Variants in KBTBD6 observed in about 807,000 individuals in gnomAD.
The protein encoded by KBTBD6 is kelch repeat and BTB domain-containing protein 6.
A neutral mutation model predicts 34.4 loss-of-function variants in KBTBD6; 6 were observed. That is an observed-to-expected ratio of 0.17 (90% CI 0.10 to 0.34). KBTBD6 has a LOEUF of 0.34. Among genes scored for constraint, KBTBD6 ranks in the 10% least tolerant of loss-of-function variants. KBTBD6 has a pLI of 1.00. For missense variants in KBTBD6, 557 were observed against 856.0 expected (o/e 0.65, Z 4.36); for synonymous variants, 288 against 327.2 (o/e 0.88, Z 1.29).
chr13:41,130,358 C>A lies in KBTBD6; in HGVS notation c.*129G>T. On this transcript the variant is annotated 3_prime_UTR_variant, in exon 1 of 1. Transcript: ENST00000379485. This position sits in a 1 kb window ranked among gnomAD's most constrained non-coding sequence, Gnocchi z 4.8. ...ATTTCAAACATTACTTTTTCTAAAC[C>A]AAACCAGAAGTTAATCAACTTTTCC... The A allele has an allele frequency of 1.5e-6, 1 of 662,954 alleles. No individual in the cohort carries two copies. Among genetic ancestry groups the A allele is most frequent in the Non-Finnish European group, 2.5e-6 (1 of 406,490 alleles). The allele number at this position is 662,954 out of a possible 1,614,324, so 41.1% of individuals were successfully genotyped here.
chr13:41,132,711 C>G lies in KBTBD6; in HGVS notation c.-200G>C. ...ACAGTGGCTGACTCACCCTCTCTCA[C>G]TCCCGCGTCCTTTCTCCGCGTCTGC... On this transcript the variant is annotated 5_prime_UTR_variant, in exon 1 of 1. Transcript: ENST00000379485. 1 of 647,854 alleles carries G rather than the reference C, an allele frequency of 1.5e-6. No individual in the cohort carries two copies. The highest frequency in any genetic ancestry group is 2.7e-6 in the Non-Finnish European group (1 of 376,976). 40.1% of individuals were successfully genotyped at this position (647,854 alleles called of 1,614,324 possible).
chr13:41,131,175 A>G lies in KBTBD6; in HGVS notation c.1337T>C (p.Ile446Thr), dbSNP rs1336339722. ...YIYILGGRDP[I>T]TGVKLKEVEC... is the part of the protein sequence containing the mutation. ...CACTTCCTTCAACTTAACTCCAGTA[A>G]TAGGGTCTCGCCCCCCCAAAATGTA... is the stretch of plus-strand genomic sequence containing the variant. The change falls in exon 1 of 1, where the codon ATT (isoleucine) becomes ACT (threonine). Residue 446 changes from isoleucine (I) to threonine (T), a missense_variant. By Grantham distance (89) the Ile-to-Thr change is moderately conservative. This residue lies in a region of KBTBD6 where 309 missense variants were observed against 504.5 expected (regional missense o/e 0.61). Transcript: ENST00000379485. This position sits in a 1 kb window ranked among gnomAD's most constrained non-coding sequence, Gnocchi z 5.8. 1 of 1,614,196 alleles carries G rather than the reference A, an allele frequency of 6.2e-7. No individual in the cohort carries two copies. The highest frequency in any genetic ancestry group is 1.7e-5 in the Admixed American group (1 of 60,008).
Position 41,132,587 on chromosome 13 carries a change from G to C in KBTBD6, c.-76C>G. ...TCTGGCTCCTCCTCAACCTTCCCTC[G>C]CTGACGCTAAGATAGCAGCGTCTCC... On this transcript the variant is annotated 5_prime_UTR_variant, in exon 1 of 1. Transcript: ENST00000379485. 1 of 1,505,630 alleles carries C rather than the reference G, an allele frequency of 6.6e-7. No individual in the cohort carries two copies. Among genetic ancestry groups the C allele is most frequent in the Non-Finnish European group, 9.0e-7 (1 of 1,105,696 alleles). The allele number at this position is 1,505,630 out of a possible 1,614,324, so 93.3% of individuals were successfully genotyped here.
In KBTBD6 at chr13:41,128,632, A is replaced by G. The variant is rs2030033948; in HGVS notation, c.*1855T>C. On this transcript the variant is annotated 3_prime_UTR_variant, in exon 1 of 1. Transcript: ENST00000379485. ...ATCCACTTATGTTCTTTAACTATCA[A>G]CTTTGTTTTTCTAAGAGATGGGATC... 13 of 391,168 alleles carry G rather than the reference A, an allele frequency of 3.3e-5. No individual in the cohort carries two copies. The allele number at this position is 391,168 out of a possible 1,614,324, so 24.2% of individuals were successfully genotyped here. A position where few individuals can be genotyped will look rare whatever the true frequency, so the allele number is the denominator to read the frequency against.
rs186354848 is a variant in KBTBD6 at position 41,130,347 on chromosome 13, T to C, written c.*140A>G. On this transcript the variant is annotated 3_prime_UTR_variant, in exon 1 of 1. Transcript: ENST00000379485. This position sits in a 1 kb window ranked among gnomAD's most constrained non-coding sequence, Gnocchi z 4.8. ...ATTACCTTCGTATTTCAAACATTAC[T>C]TTTTCTAAACCAAACCAGAAGTTAA... 1 of 620,292 alleles carries C rather than the reference T, an allele frequency of 1.6e-6. No individual in the cohort carries two copies. The allele number at this position is 620,292 out of a possible 1,614,324, so 38.4% of individuals were successfully genotyped here.
chr13:41,131,851 G>A lies in KBTBD6; in HGVS notation c.661C>T (p.Gln221Ter). The A allele has an allele frequency of 6.2e-7, 1 of 1,614,232 alleles. No homozygotes were observed. The highest frequency in any genetic ancestry group is 8.5e-7 in the Non-Finnish European group (1 of 1,180,030). Reference sequence around the variant, plus strand: ...TCCAAGCGCAGGACAGCCAGCAGCTGGGCCAGGGTCAGATCTGCTAGAGTC... The same window carrying A: ...TCCAAGCGCAGGACAGCCAGCAGCTAGGCCAGGGTCAGATCTGCTAGAGTC... The part of the protein sequence containing the change: ...EETLADLTLA[Q>*]LLAVLRLDSL... Residue 221 changes from glutamine to a stop codon, truncating the protein, a stop_gained, in exon 1 of 1, where the codon CAG (glutamine) becomes TAG (stop). Transcript: ENST00000379485. LOFTEE classifies it high-confidence loss of function. This position sits in a 1 kb window ranked among gnomAD's most constrained non-coding sequence, Gnocchi z 5.8.
At position 41,132,278 on chromosome 13, in the gene KBTBD6, C is replaced by G. The variant is rs1179522447; in HGVS notation, c.234G>C (p.Thr78=). 1 of 1,614,230 alleles carries G rather than the reference C, an allele frequency of 6.2e-7. No individual in the cohort carries two copies. The stretch of plus-strand genomic sequence containing the variant: ...TGCGGTTGCAGGGGAACAGGCGACC[C>G]GTGCCAGGCCCGCTGCCAGGCGTCA... ...EVVTPGSGPG[T]GRLFPCNRNV... is the part of the protein sequence containing the mutation. Residue 78 remains threonine (T), a synonymous_variant, in exon 1 of 1, where the codon ACG becomes ACC. Coordinates refer to ENST00000379485, the MANE Select transcript of KBTBD6 (RefSeq NM_152903.5).
In KBTBD6 at chr13:41,128,040, T is replaced by C. The variant is rs991005937; in HGVS notation, c.*2447A>G. 1 of 152,546 alleles carries C rather than the reference T, an allele frequency of 6.6e-6. No homozygotes were observed. The highest frequency in any genetic ancestry group is 2.1e-4 in the South Asian group (1 of 4,830). 9.4% of individuals were successfully genotyped at this position (152,546 alleles called of 1,614,324 possible). On this transcript the variant is annotated 3_prime_UTR_variant, in exon 1 of 1. Transcript: ENST00000379485. ...CACTAAAAGTGATGTTAAACGTGAA[T>C]GTCTTGTAGACTATTTAAAGAGCCA...
Position 41,132,497 on chromosome 13 carries a change from T to G in KBTBD6, c.15A>C (p.Glu5Asp), listed in dbSNP as rs759098500. 4 of 1,613,960 alleles carry G rather than the reference T, an allele frequency of 2.5e-6. No individual in the cohort carries two copies. The highest frequency in any genetic ancestry group is 3.4e-6 in the Non-Finnish European group (4 of 1,179,860). ...CTAGGCGGCGAGAGCGCGGGGCGTC[T>G]TCCCGGGACTGCATGGTGGAGATGG... The part of the protein sequence containing the change: MQSR[E>D]DAPRSRRLAS... The change falls in exon 1 of 1, where the codon GAA (glutamate) becomes GAC (aspartate). Residue 5 changes from glutamate (E) to aspartate (D), a missense_variant. Glu to Asp is a conservative substitution (Grantham distance 45). Around this residue, in one of 4 missense-constraint regions of KBTBD6, gnomAD observed 40 missense variants for 39.9 expected, o/e 1.00. Transcript: ENST00000379485.
rs2030132024 is a variant in KBTBD6 at position 41,132,644 on chromosome 13, A to T, written c.-133T>A. On this transcript the variant is annotated 5_prime_UTR_variant, in exon 1 of 1. Coordinates refer to ENST00000379485, the MANE Select transcript of KBTBD6 (RefSeq NM_152903.5). ...ACAGCAGCACGAGCCCATTTACTGA[A>T]TTCAACCCTACCCCGCAGAACCGCC... The T allele has an allele frequency of 9.4e-7, 1 of 1,066,016 alleles. No homozygotes were observed. The highest frequency in any genetic ancestry group is 1.4e-6 in the Non-Finnish European group (1 of 739,600). The allele number at this position is 1,066,016 out of a possible 1,614,324, so 66.0% of individuals were successfully genotyped here.
chr13:41,131,574 G>A lies in KBTBD6; in HGVS notation c.938C>T (p.Pro313Leu). The A allele has an allele frequency of 6.8e-6, 11 of 1,613,990 alleles. No homozygotes were observed. Among genetic ancestry groups the A allele is most frequent in the Non-Finnish European group, 6.8e-6 (8 of 1,179,934 alleles). ...YGDLLYKSLV[P>L]VPNSSSSSSS... ...ACTGCTGCTGCTGCTGTTTGGCACTGGCACCAGAGACTTGTACAACAGGTC... is the reference window on the plus strand; with the variant it reads ...ACTGCTGCTGCTGCTGTTTGGCACTAGCACCAGAGACTTGTACAACAGGTC... Residue 313 changes from proline (P) to leucine (L), a missense_variant, in exon 1 of 1, where the codon CCA becomes CTA. This residue lies in a region of KBTBD6 where 309 missense variants were observed against 504.5 expected (regional missense o/e 0.61). Transcript: ENST00000379485. The surrounding 1 kb of genome is among the most constrained non-coding windows in gnomAD (Gnocchi z 5.8).
In KBTBD6 at chr13:41,128,359, T is replaced by C. The variant is rs1039142691; in HGVS notation, c.*2128A>G. The C allele has an allele frequency of 2.7e-5, 10 of 373,956 alleles. No homozygotes were observed. The highest frequency in any genetic ancestry group is 4.3e-5 in the Non-Finnish European group (9 of 209,790). 23.2% of individuals were successfully genotyped at this position (373,956 alleles called of 1,614,324 possible). A position where few individuals can be genotyped will look rare whatever the true frequency, so the allele number is the denominator to read the frequency against. ...TCATGTACATGTATCATGTCAACCA[T>C]TATATATTAAATCTTCAAGAGGTAA... is the stretch of plus-strand genomic sequence containing the variant. On this transcript the variant is annotated 3_prime_UTR_variant, in exon 1 of 1. Coordinates refer to ENST00000379485, the MANE Select transcript of KBTBD6 (RefSeq NM_152903.5).
Position 41,132,618 on chromosome 13 carries a change from G to A in KBTBD6, c.-107C>T. 7.6e-7 allele frequency: 1 copy of A among 1,319,414 alleles called. No individual in the cohort carries two copies. The highest frequency in any genetic ancestry group is 1.0e-6 in the Non-Finnish European group (1 of 952,968). The allele number at this position is 1,319,414 out of a possible 1,614,324, so 81.7% of individuals were successfully genotyped here. On this transcript the variant is annotated 5_prime_UTR_variant, in exon 1 of 1. Transcript: ENST00000379485. ...GCTAAGATAGCAGCGTCTCCGAAGA[G>A]ACAGCAGCACGAGCCCATTTACTGA...
At position 41,129,414 on chromosome 13, in the gene KBTBD6, C is replaced by T. The variant is rs1368844361; in HGVS notation, c.*1073G>A. On this transcript the variant is annotated 3_prime_UTR_variant, in exon 1 of 1. Transcript: ENST00000379485. The stretch of plus-strand genomic sequence containing the variant: ...CAATACAAACCTACAAAGCAAGTTA[C>T]TTCTTTTTTAAGGTTTTTTGATGAT... 1 of 152,122 alleles carries T rather than the reference C, an allele frequency of 6.6e-6. No individual in the cohort carries two copies. Among genetic ancestry groups the T allele is most frequent in the Non-Finnish European group, 1.5e-5 (1 of 68,012 alleles). The allele number at this position is 152,122 out of a possible 1,614,324, so 9.4% of individuals were successfully genotyped here. A position where few individuals can be genotyped will look rare whatever the true frequency, so the allele number is the denominator to read the frequency against.
At position 41,132,333 on chromosome 13, in the gene KBTBD6, C is replaced by T. The variant is rs768949189; in HGVS notation, c.179G>A (p.Arg60Gln). 1.9e-6 allele frequency: 3 copies of T among 1,614,240 alleles called. No individual in the cohort carries two copies. Among genetic ancestry groups the T allele is most frequent in the Non-Finnish European group, 2.5e-6 (3 of 1,180,048 alleles). ...CTCGATGGTCACATCACACAGCAGC[C>T]GCGCATCGTAGAAGGACTTGAGCTG... ...LAQLKSFYDA[R>Q]LLCDVTIEVV... The change falls in exon 1 of 1, where the codon CGG becomes CAG. Residue 60 changes from arginine to glutamine, a missense_variant. Physicochemically the swap from Arg to Gln is conservative, Grantham distance 43 (BLOSUM62 1). Transcript: ENST00000379485.
rs1027103190 is a variant in KBTBD6 at position 41,131,375 on chromosome 13, A to G, written c.1137T>C (p.Thr379=). 6.8e-6 allele frequency: 11 copies of G among 1,614,090 alleles called. No individual in the cohort carries two copies. In the African/African-American group the frequency reaches 1.3e-4, roughly 20 times the overall value. ...VPSPLTCLAH[T]RTVTTLAVCI... is the part of the protein sequence containing the mutation. ...AGACAGCTAAAGTGGTGACAGTCCT[A>G]GTGTGAGCCAGACAGGTCAAAGGTG... Residue 379 remains threonine, a synonymous_variant, in exon 1 of 1, where the codon ACT becomes ACC. Transcript: ENST00000379485. This position sits in a 1 kb window ranked among gnomAD's most constrained non-coding sequence, Gnocchi z 5.8.
In KBTBD6 at chr13:41,132,515, G is replaced by A; in HGVS notation, c.-4C>T. ...GGGCGTCTTCCCGGGACTGCATGGT[G>A]GAGATGGCGACGGGCGCTGATGGCG... On this transcript the variant is annotated 5_prime_UTR_variant, in exon 1 of 1. Transcript: ENST00000379485. 1.2e-6 allele frequency: 2 copies of A among 1,609,884 alleles called. No individual in the cohort carries two copies. Among genetic ancestry groups the A allele is most frequent in the Non-Finnish European group, 1.7e-6 (2 of 1,176,762 alleles).
At position 41,132,689 on chromosome 13, in the gene KBTBD6, G is replaced by A. The variant is rs1306659776; in HGVS notation, c.-178C>T. 5 of 725,610 alleles carry A rather than the reference G, an allele frequency of 6.9e-6. No individual in the cohort carries two copies. The East Asian group carries it at 8.2e-5, about 12-fold the overall frequency. 44.9% of individuals were successfully genotyped at this position (725,610 alleles called of 1,614,324 possible). A position where few individuals can be genotyped will look rare whatever the true frequency, so the allele number is the denominator to read the frequency against. On this transcript the variant is annotated 5_prime_UTR_variant, in exon 1 of 1. Coordinates refer to ENST00000379485, the MANE Select transcript of KBTBD6 (RefSeq NM_152903.5). The stretch of plus-strand genomic sequence containing the variant: ...ACCGCCTCCCGTTATCGTTTAGACA[G>A]TGGCTGACTCACCCTCTCTCACTCC...
At position 41,131,186 on chromosome 13, in the gene KBTBD6, C is replaced by A; in HGVS notation, c.1326G>T (p.Gly442=). 2.5e-6 allele frequency: 4 copies of A among 1,614,070 alleles called. No homozygotes were observed. The highest frequency in any genetic ancestry group is 3.4e-6 in the Non-Finnish European group (4 of 1,180,004). The change falls in exon 1 of 1, where the codon GGG becomes GGT. Residue 442 remains glycine, a synonymous_variant. Transcript: ENST00000379485. The surrounding 1 kb of genome is among the most constrained non-coding windows in gnomAD (Gnocchi z 5.8). ...ACTTAACTCCAGTAATAGGGTCTCG[C>A]CCCCCCAAAATGTAGATATAGCCAT... ...YLNGYIYILG[G]RDPITGVKLK...
Sources: allele counts gnomAD v4.1 joint callset, GRCh38; gene constraint gnomAD v4.1.1; regional missense constraint gnomAD v4.1.1; non-coding constraint Gnocchi (gnomAD v3.1); transcripts MANE v1.5; gene names NCBI Gene and HGNC (gene_info 2026-07-23, HGNC 2026-07-21).